The following TCF12 variants were observed in gnomAD, a reference collection of about 807,000 sequenced individuals.
TCF12 encodes transcription factor 12, also known as DNA-binding protein HTF4.
Under a neutral mutation model 86.0 loss-of-function variants are expected in TCF12, and 45 were observed. That is an observed-to-expected ratio of 0.52 (90% confidence interval 0.41 to 0.67). The LOEUF (loss-of-function observed/expected upper bound fraction) is 0.67. TCF12 is among the 30% of genes least tolerant of loss of function. TCF12 has a pLI of 0.00. For synonymous variants in TCF12, 330 were observed against 299.6 expected (o/e 1.10, Z -1.05); for missense variants, 881 against 859.9 (o/e 1.02, Z -0.31).
chr15:57,282,922 C>T (rs761322624), intron 20 of TCF12, among the ~76,000 whole-genome samples: 1 of 152,212 alleles, frequency 6.6e-6, no homozygotes, highest in Admixed American at 6.5e-5. Context: ...CGTCAGAAAA[C>T]GCTCTTGTTA....
chr15:57,091,860 C>T lies in TCF12; in HGVS notation c.294C>T (p.Ser98=). ...DSRLGAHEGL[S]PTPFMNSNLM... ...GATTAGGAGCCCATGAAGGCTTGTC[C>T]CCAACACCTTTCATGAACTCAAATC... The change falls in exon 5 of 21, where the codon TCC becomes TCT. Residue 98 remains serine (S), a synonymous_variant. Transcript: ENST00000333725. The T allele has an allele frequency of 6.2e-7, 1 of 1,613,718 alleles. No homozygotes were observed. The highest frequency in any genetic ancestry group is 8.5e-7 in the Non-Finnish European group (1 of 1,179,730).
rs536414257 is a variant in TCF12, at chr15:57,198,878, A to G, written c.579+1053A>G. On this transcript the variant is annotated intron_variant, in intron 8 of 20. Transcript: ENST00000333725. ...GGAGCAGCATGGGTCTGAGCTTTTT[A>G]GTTTTTATTAAGGCTGAAGTAGAGA... Among the ~76,000 whole-genome samples, 44 of 152,282 alleles carry G rather than the reference A, an allele frequency of 2.9e-4. 1 individual carries two copies. The South Asian group carries it at 8.9e-3, about 31-fold the overall frequency.
chr15:56,964,830 G>T (rs2061932021), intron 3 of TCF12, among the ~76,000 whole-genome samples: 1 of 152,152 alleles, frequency 6.6e-6, no homozygotes, highest in Admixed American at 6.6e-5. Flanking sequence ...AAATGGATCA[G>T]TGGTAAAAAT....
At chr15:57,132,169 T>TATA (rs1206836382) in intron 5 of TCF12, among the ~76,000 whole-genome samples, 1 of 152,036 alleles carries the variant, frequency 6.6e-6, no homozygotes. Context: ...CAAAACAGTG[T>TATA]ATAATAATAA....
intron 5 of TCF12, among the ~76,000 whole-genome samples, chr15:57,137,451 T>C (rs1596746351): frequency 6.6e-6 from 1 of 152,222 alleles, no homozygotes; most frequent in Non-Finnish European, 1.5e-5. Flanking sequence ...TTGAAAAATA[T>C]GGTATTCAAA....
At chr15:57,190,762 A>G (rs974154848) in intron 6 of TCF12, among the ~76,000 whole-genome samples, 18 of 152,166 alleles carry the variant, frequency 1.2e-4, no homozygotes, top group African/African-American at 4.3e-4. Context: ...TCACTGTAGC[A>G]TACCTCAGAG....
intron 7 of TCF12, among the ~76,000 whole-genome samples, chr15:57,194,967 A>G (rs1233016653): frequency 6.6e-6 from 1 of 152,110 alleles, no homozygotes; most frequent in Admixed American, 6.6e-5. Flanking sequence ...CAATGGCATG[A>G]TCTCGGCTCA....
intron 3 of TCF12, among the ~76,000 whole-genome samples, chr15:56,991,568 A>G (rs1314051238): frequency 5.9e-5 from 9 of 152,248 alleles, no homozygotes; most frequent in Admixed American, 5.9e-4. Flanking sequence ...ATCAATATGC[A>G]CTATGGAAAA....
At chr15:57,211,676 G>A (rs1344786818) in intron 8 of TCF12, among the ~76,000 whole-genome samples, 1 of 152,194 alleles carries the variant, frequency 6.6e-6, no homozygotes, top group Non-Finnish European at 1.5e-5. Context: ...ATTTAAGGCT[G>A]GGCATGGTGG....
intron 5 of TCF12, among the ~76,000 whole-genome samples, chr15:57,149,184 G>A (rs577881159): frequency 1.3e-5 from 2 of 152,276 alleles, no homozygotes; most frequent in South Asian, 4.1e-4. Flanking sequence ...CTAAGAAGCA[G>A]TAAAATTTAA....
At position 56,919,651 on chromosome 15, in the gene TCF12, A is replaced by T. The variant is rs568722751; in HGVS notation, c.-22-241A>T. The T allele has an allele frequency of 1.1e-4, 35 of 329,774 alleles. No homozygotes were observed. The South Asian group carries it at 1.5e-3, about 14-fold the overall frequency. 20.4% of individuals were successfully genotyped at this position (329,774 alleles called of 1,614,324 possible). On this transcript the variant is annotated intron_variant, in intron 1 of 20. Transcript: ENST00000333725. ...TCGGAAACTTGGGGGAGAGGCGGCG[A>T]GTTGCGGGAGCCGCCGCGTCGATCT...
At chr15:56,983,476 A>T (rs2140901739) in intron 3 of TCF12, among the ~76,000 whole-genome samples, 1 of 152,294 alleles carries the variant, frequency 6.6e-6, no homozygotes, top group African/African-American at 2.4e-5. Context: ...CAAACCTTGA[A>T]ATTGGATTTG....
chr15:57,141,603 C>T (rs1349195969), intron 5 of TCF12, among the ~76,000 whole-genome samples: 2 of 152,220 alleles, frequency 1.3e-5, no homozygotes, highest in African/African-American at 4.8e-5. Flanking sequence ...CCCACCTCAG[C>T]CTCCCGAAGT....
At chr15:57,242,285 G>A (rs146272447) in intron 12 of TCF12, among the ~76,000 whole-genome samples, 2 of 152,124 alleles carry the variant, frequency 1.3e-5, no homozygotes, top group Non-Finnish European at 1.5e-5. Context: ...TGTCTGCCCT[G>A]AGTGCTGAGA....
intron 6 of TCF12, among the ~76,000 whole-genome samples, chr15:57,187,542 A>C (rs1379006954): frequency 6.6e-6 from 1 of 152,166 alleles, no homozygotes; most frequent in Non-Finnish European, 1.5e-5. Context: ...AAAATCTCAT[A>C]ATGTTTTAAG....
At chr15:56,982,745 T>A in intron 3 of TCF12, among the ~76,000 whole-genome samples, 1 of 152,234 alleles carries the variant, frequency 6.6e-6, no homozygotes, top group Non-Finnish European at 1.5e-5. Context: ...TAAATTGGTT[T>A]AATTAAAAAC....
At chr15:57,265,787 T>C (rs1221216606) in intron 18 of TCF12, among the ~76,000 whole-genome samples, 1 of 152,206 alleles carries the variant, frequency 6.6e-6, no homozygotes, top group Non-Finnish European at 1.5e-5. Flanking sequence ...CTGTACTTAA[T>C]TGCATGCTTT....
intron 2 of TCF12, among the ~76,000 whole-genome samples, chr15:56,920,711 T>C (rs1191399431): frequency 6.6e-6 from 1 of 152,148 alleles, no homozygotes; most frequent in African/African-American, 2.4e-5. Context: ...TATTGAGATA[T>C]AATGTAAATG....
chr15:57,217,272 G>A (rs570941510), intron 8 of TCF12, among the ~76,000 whole-genome samples: 2 of 151,946 alleles, frequency 1.3e-5, no homozygotes, highest in Non-Finnish European at 2.9e-5. Flanking sequence ...AAAAGTAACT[G>A]TGTTTTTTTC....
Sources: allele counts gnomAD v4.1 joint callset (sites outside exome capture counted in the v4.1 genomes callset), GRCh38; gene constraint gnomAD v4.1.1; transcripts MANE v1.5; gene names NCBI Gene and HGNC (gene_info 2026-07-23, HGNC 2026-07-21).